The following CCDC39 variants were observed in gnomAD, a reference collection of about 807,000 sequenced individuals.
CCDC39 encodes coiled-coil domain-containing protein 39.
Under a neutral mutation model 121.0 loss-of-function variants are expected in CCDC39, and 113 were observed. The ratio of observed to expected loss-of-function variants is 0.93; its 90% CI spans 0.80 to 1.09. CCDC39 has a LOEUF of 1.09. Ranked by LOEUF, CCDC39 falls within the 50% of genes least tolerant of loss-of-function variation. The pLI, the probability that CCDC39 is intolerant of heterozygous loss-of-function variation, is 0.00. For synonymous variants in CCDC39, 349 were observed against 352.2 expected, an observed-to-expected ratio of 0.99 and a Z score of 0.10; for missense variants, 1,063 against 1,074.7, an observed-to-expected ratio of 0.99 and a Z score of 0.15.
chr3:180,618,674 T>C (rs886404729), intron 16 of CCDC39, among the ~76,000 whole-genome samples: 1 of 152,170 alleles, frequency 6.6e-6, no homozygotes, highest in Non-Finnish European at 1.5e-5. Flanking sequence ...TTTTTGTCCT[T>C]GCATTAGTTT....
intron 1 of CCDC39, among the ~76,000 whole-genome samples, chr3:180,678,097 C>T (rs761753803): frequency 6.6e-6 from 1 of 152,026 alleles, no homozygotes; most frequent in Non-Finnish European, 1.5e-5. Context: ...GTCCCTAGAG[C>T]CCGCGAAGTA....
intron 18 of CCDC39, 31 bp downstream of exon 18, chr3:180,616,485 A>G (rs1717247242): frequency 6.6e-7 from 1 of 1,507,916 alleles, no homozygotes; most frequent in Admixed American, 2.3e-5. Context: ...TGAAGTTTTT[A>G]AGAAATATTT....
intron 6 of CCDC39, among the ~76,000 whole-genome samples, chr3:180,657,678 A>G (rs1453561048): frequency 2.0e-5 from 3 of 152,210 alleles, no homozygotes; most frequent in African/African-American, 7.2e-5. Context: ...CAGCTCAACA[A>G]TGTATAGCCA....
At chr3:180,660,397 T>C (rs1276746491) in intron 4 of CCDC39, among the ~76,000 whole-genome samples, 173 bp downstream of exon 4, 2 of 152,076 alleles carry the variant, frequency 1.3e-5, no homozygotes, top group Non-Finnish European at 2.9e-5. Context: ...TATTTGAATA[T>C]AGTCATTTTT....
intron 14 of CCDC39, among the ~76,000 whole-genome samples, chr3:180,626,604 G>A (rs559174502): frequency 1.3e-3 from 199 of 152,290 alleles, no homozygotes; most frequent in African/African-American, 4.7e-3. Flanking sequence ...GGAGACAGCT[G>A]CAGCAATGTC....
chr3:180,647,191 A>G lies in CCDC39; in HGVS notation c.1415T>C (p.Ile472Thr). ...AAGCGCTTGTTTTTCTTCTGAATTA[A>G]TTTCTCCCTTTAACCGTGACATTCT... Reference protein sequence around the residue: ...ERRMSRLKGEINSEEKQALEA... With the variant: ...ERRMSRLKGETNSEEKQALEA... Residue 472 changes from isoleucine (I) to threonine (T), a missense_variant, in exon 11 of 20, where the codon ATT (isoleucine) becomes ACT (threonine). Coordinates refer to ENST00000476379, the MANE Select transcript of CCDC39 (RefSeq NM_181426.2). 1 of 1,611,488 alleles carries G rather than the reference A, an allele frequency of 6.2e-7. No homozygotes were observed.
chr3:180,648,770 G>A (rs1718132597), intron 9 of CCDC39, among the ~76,000 whole-genome samples: 1 of 152,156 alleles, frequency 6.6e-6, no homozygotes, highest in Admixed American at 6.5e-5. Flanking sequence ...ACTATACAGT[G>A]GTGAGCAGGT....
intron 1 of CCDC39, among the ~76,000 whole-genome samples, chr3:180,678,362 T>C (rs2108438327): frequency 6.6e-6 from 1 of 152,300 alleles, no homozygotes; most frequent in South Asian, 2.1e-4. Flanking sequence ...GATTTTCATT[T>C]TCCTTTTTTA....
At chr3:180,654,683 G>T in intron 7 of CCDC39, 79 bp downstream of exon 7, 4 of 930,284 alleles carry the variant, frequency 4.3e-6, no homozygotes, top group South Asian at 2.7e-5. Flanking sequence ...CTTTATCACA[G>T]GAAAAGCTTT....
intron 14 of CCDC39, among the ~76,000 whole-genome samples, chr3:180,624,667 TA>T (rs1292847819): frequency 6.6e-6 from 1 of 152,208 alleles, no homozygotes; most frequent in Admixed American, 6.5e-5. Context: ...GAGCATTTCT[TA>T]GAGGACCAGT....
At chr3:180,654,670 T>G in intron 7 of CCDC39, 92 bp downstream of exon 7, 1 of 801,862 alleles carries the variant, frequency 1.2e-6, no homozygotes, top group East Asian at 3.3e-5. Flanking sequence ...CTAGAAGTAG[T>G]TTCTTTATCA....
chr3:180,679,205 T>A lies in CCDC39; in HGVS notation c.90+86A>T. 2 of 975,516 alleles carry A rather than the reference T, an allele frequency of 2.1e-6. No individual in the cohort carries two copies. Among genetic ancestry groups the A allele is most frequent in the Non-Finnish European group, 3.3e-6 (2 of 598,398 alleles). The allele number at this position is 975,516 out of a possible 1,614,324, so 60.4% of individuals were successfully genotyped here. A position where few individuals can be genotyped will look rare whatever the true frequency, so the allele number is the denominator to read the frequency against. On this transcript the variant is annotated intron_variant, in intron 1 of 19. Transcript: ENST00000476379. The surrounding 1 kb of genome is among the most constrained non-coding windows in gnomAD (Gnocchi z 4.0). ...GCACAGGATTAGGAAAGGAGAGAAA[T>A]AAAAGGGCTGGGGTAGTACTGCCAA...
intron 1 of CCDC39, among the ~76,000 whole-genome samples, chr3:180,667,705 G>T (rs944518962): frequency 4.6e-5 from 7 of 151,896 alleles, no homozygotes; most frequent in Non-Finnish European, 1.0e-4. Context: ...TTGAAATTAG[G>T]CCAATTAATA....
rs150446614 is a variant in CCDC39 at position 180,640,140 on chromosome 3, G to T, written c.1874+1853C>A. Among the ~76,000 whole-genome samples the T allele has an allele frequency of 4.3e-3, 647 of 152,134 alleles. 7 individuals carry two copies. Among genetic ancestry groups the T allele is most frequent in the African/African-American group, 0.014 (599 of 41,518 alleles). ...GGGTGATGGATACATTATCTTGATGGTGGTGATGGTCTCTCCGGTACATTA... is the reference window on the plus strand; with the variant it reads ...GGGTGATGGATACATTATCTTGATGTTGGTGATGGTCTCTCCGGTACATTA... On this transcript the variant is annotated intron_variant, in intron 13 of 19. Coordinates refer to ENST00000476379, the MANE Select transcript of CCDC39 (RefSeq NM_181426.2).
chr3:180,648,149 T>C lies in CCDC39; in HGVS notation c.1362+16A>G, dbSNP rs1258228391. ...AATAAATCAATATGGAAGATATTCA[T>C]AAAAGTAACATCTACCTGGCTGTAC... On this transcript the variant is annotated intron_variant, in intron 10 of 19. Transcript: ENST00000476379. The C allele has an allele frequency of 2.5e-6, 4 of 1,594,370 alleles. No homozygotes were observed. The highest frequency in any genetic ancestry group is 3.4e-5 in the Admixed American group (2 of 59,226).
chr3:180,638,822 G>C, intron 13 of CCDC39, among the ~76,000 whole-genome samples: 1 of 151,948 alleles, frequency 6.6e-6, no homozygotes, highest in Middle Eastern at 3.4e-3. Context: ...ATAAAGAAAA[G>C]GCTAAACAAA....
intron 13 of CCDC39, among the ~76,000 whole-genome samples, chr3:180,640,697 A>G (rs1717934828): frequency 6.6e-6 from 1 of 152,084 alleles, no homozygotes; most frequent in Non-Finnish European, 1.5e-5. Flanking sequence ...AATTTTTCCT[A>G]GAGAAAAATA....
At chr3:180,672,938 T>C (rs1263294262) in intron 1 of CCDC39, among the ~76,000 whole-genome samples, 2 of 152,156 alleles carry the variant, frequency 1.3e-5, no homozygotes, top group Non-Finnish European at 2.9e-5. Context: ...TTCCAGCCCT[T>C]ATGGATGAGT....
intron 1 of CCDC39, among the ~76,000 whole-genome samples, chr3:180,666,315 C>T (rs1265834685): frequency 2.0e-5 from 3 of 152,178 alleles, no homozygotes; most frequent in Non-Finnish European, 4.4e-5. Flanking sequence ...TGGTATAGTA[C>T]ATGATCCACT....
Sources: allele counts gnomAD v4.1 joint callset (sites outside exome capture counted in the v4.1 genomes callset), GRCh38; gene constraint gnomAD v4.1.1; non-coding constraint Gnocchi (gnomAD v3.1); transcripts MANE v1.5; gene names NCBI Gene and HGNC (gene_info 2026-07-23, HGNC 2026-07-21).